Variants in DIP2C observed in about 807,000 individuals in gnomAD.
DIP2C encodes the protein DIP2 acetate--CoA ligase C (putative).
In DIP2C, 33 loss-of-function variants were observed where a neutral mutation model predicts 192.4. The ratio of observed to expected loss-of-function variants is 0.17; its 90% CI spans 0.13 to 0.23. The LOEUF (loss-of-function observed/expected upper bound fraction) is 0.23. Ranked by LOEUF, DIP2C falls within the 10% of genes least tolerant of loss-of-function variation. The pLI, the probability that DIP2C is intolerant of heterozygous loss-of-function variation, is 1.00. For missense variants in DIP2C, 1,537 were observed against 2,110.1 expected (o/e 0.73, Z 5.32); for synonymous variants, 979 against 864.1 (o/e 1.13, Z -2.33).
At chr10:286,519 C>A (rs1488869071) in intron 33 of DIP2C, among the ~76,000 whole-genome samples, 172 bp from the exon 34 acceptor site, 1 of 151,776 alleles carries the variant, frequency 6.6e-6, no homozygotes, top group African/African-American at 2.4e-5. Context: ...CACAGCCTCA[C>A]AATCACAGCC....
intron 1 of DIP2C, among the ~76,000 whole-genome samples, chr10:596,170 T>C (rs1851687875): frequency 6.6e-6 from 1 of 151,964 alleles, no homozygotes. Flanking sequence ...TTTTAAAAAA[T>C]AAAAGTAACC....
chr10:441,424 G>A (rs762510818), intron 3 of DIP2C, among the ~76,000 whole-genome samples: 1 of 152,074 alleles, frequency 6.6e-6, no homozygotes, highest in African/African-American at 2.4e-5. Flanking sequence ...GGACTGTGTT[G>A]GCTATTGACA....
intron 1 of DIP2C, among the ~76,000 whole-genome samples, chr10:595,063 C>CA (rs779559909): frequency 6.6e-6 from 1 of 152,236 alleles, no homozygotes; most frequent in Non-Finnish European, 1.5e-5. Context: ...CACCGACCCG[C>CA]AGGTCTTCTA....
chr10:470,112 G>A (rs866493888), intron 3 of DIP2C, among the ~76,000 whole-genome samples: 7 of 152,162 alleles, frequency 4.6e-5, no homozygotes, highest in Admixed American at 2.0e-4. Context: ...GATGATTGGC[G>A]AATATGTAGA....
At chr10:485,485 C>T (rs1843949945) in intron 2 of DIP2C, among the ~76,000 whole-genome samples, 1 of 152,228 alleles carries the variant, frequency 6.6e-6, no homozygotes, top group African/African-American at 2.4e-5. Context: ...AACATGTTCA[C>T]TGTTACATCA....
At chr10:449,804 A>G (rs566526557) in intron 3 of DIP2C, among the ~76,000 whole-genome samples, 36 of 134,962 alleles carry the variant, frequency 2.7e-4, no homozygotes, top group Admixed American at 1.6e-3. Flanking sequence ...AAAAAGAAGT[A>G]AACACATTCA....
intron 33 of DIP2C, among the ~76,000 whole-genome samples, chr10:287,536 T>C (rs1029827515): frequency 3.9e-5 from 6 of 152,140 alleles, no homozygotes; most frequent in Non-Finnish European, 8.8e-5. Context: ...GGTGAGCACA[T>C]TCCTACTGTT....
intron 2 of DIP2C, 41 bp from the exon 3 acceptor site, chr10:472,590 C>T (rs1274770830): frequency 1.3e-6 from 2 of 1,539,970 alleles, no homozygotes; most frequent in East Asian, 2.3e-5. Flanking sequence ...TGTGACTGTA[C>T]TCAGCGGAGT....
intron 1 of DIP2C, among the ~76,000 whole-genome samples, chr10:527,950 T>C (rs150126754): frequency 2.9e-4 from 44 of 152,140 alleles, no homozygotes; most frequent in Non-Finnish European, 5.6e-4. Context: ...CGTAATTATG[T>C]AGATTAGGTA....
rs1441535988 is a variant in DIP2C at position 274,518 on chromosome 10, T to C, written c.*2807A>G. The C allele has an allele frequency of 2.6e-5, 4 of 152,258 alleles. No homozygotes were observed. Among genetic ancestry groups the C allele is most frequent in the African/African-American group, 9.6e-5 (4 of 41,474 alleles). 9.4% of individuals were successfully genotyped at this position (152,258 alleles called of 1,614,324 possible). A position where few individuals can be genotyped will look rare whatever the true frequency, so the allele number is the denominator to read the frequency against. On this transcript the variant is annotated 3_prime_UTR_variant, in exon 37 of 37. Coordinates refer to ENST00000280886, the MANE Select transcript of DIP2C (RefSeq NM_014974.3). ...TCATTTGAATATAAAACAGGCGTTA[T>C]CACAGATGTACAAAGCGTACTGGTG...
intron 18 of DIP2C, among the ~76,000 whole-genome samples, chr10:367,370 T>C (rs1960394387): frequency 6.8e-6 from 1 of 147,350 alleles, no homozygotes; most frequent in South Asian, 2.1e-4. Context: ...TGAACCGAGA[T>C]CGCGCCACTG....
rs370194305 is a variant in DIP2C, at chr10:441,005, G to C, written c.269-9C>G. 6.2e-7 allele frequency: 1 copy of C among 1,610,322 alleles called. No individual in the cohort carries two copies. The highest frequency in any genetic ancestry group is 1.3e-5 in the African/African-American group (1 of 75,046). On this transcript the variant is annotated splice_polypyrimidine_tract_variant and intron_variant, in intron 3 of 36. Transcript: ENST00000280886. Reference sequence around the variant, plus strand: ...AGCTTCCGTGTGGACGTCTGAAACGGAGAGAGCTCAGTCACTCAGTGCTCA... The same window carrying C: ...AGCTTCCGTGTGGACGTCTGAAACGCAGAGAGCTCAGTCACTCAGTGCTCA...
chr10:583,383 G>A (rs1588519896), intron 1 of DIP2C, among the ~76,000 whole-genome samples: 2 of 152,308 alleles, frequency 1.3e-5, no homozygotes, highest in South Asian at 2.1e-4. Flanking sequence ...GAGCCTGTTT[G>A]GTACCTGCAT....
chr10:520,597 G>A (rs1363598838), intron 1 of DIP2C, among the ~76,000 whole-genome samples: 12 of 152,146 alleles, frequency 7.9e-5, no homozygotes, highest in Admixed American at 2.6e-4. Context: ...CCCTGGGGCC[G>A]TCCTGACCTG....
chr10:561,421 T>C (rs747401632), intron 1 of DIP2C, among the ~76,000 whole-genome samples: 22 of 152,158 alleles, frequency 1.4e-4, no homozygotes, highest in Non-Finnish European at 2.4e-4. Context: ...TCCCAAGGCC[T>C]GAGAGACCTG....
At chr10:649,865 T>G in intron 1 of DIP2C, 1 of 533,784 alleles carries the variant, frequency 1.9e-6, no homozygotes, top group Non-Finnish European at 3.3e-6. Context: ...GCATGCCTTA[T>G]TATCAAACAG....
At chr10:662,653 TTTTTTC>T in intron 1 of DIP2C, 1 of 567,830 alleles carries the variant, frequency 1.8e-6, no homozygotes, top group Non-Finnish European at 3.1e-6. Flanking sequence ...GGGGGAATTT[TTTTTTC>T]TTTTTCATCT....
intron 23 of DIP2C, among the ~76,000 whole-genome samples, chr10:357,079 G>A (rs377575367): frequency 6.6e-6 from 1 of 152,188 alleles, no homozygotes; most frequent in African/African-American, 2.4e-5. Flanking sequence ...TCAGGGTACA[G>A]AAAAACCCAC....
At position 674,789 on chromosome 10, in the gene DIP2C, T is replaced by TATATATAGAGAG; in HGVS notation, c.85+14704_85+14705insCTCTCTATATAT. On this transcript the variant is annotated intron_variant, in intron 1 of 36. Transcript: ENST00000280886. ...CATCTCAAATATATATATATATATATAGAGAGAGAGAGAGAGAGAGAGAGA... is the reference window on the plus strand; with the variant it reads ...CATCTCAAATATATATATATATATATATATATAGAGAGAGAGAGAGAGAGAGAGAGAGAGAGA... 7.1e-3 allele frequency among the ~76,000 whole-genome samples: 442 copies of TATATATAGAGAG among 62,468 alleles called. 6 individuals are homozygous for TATATATAGAGAG. The highest frequency in any genetic ancestry group is 8.6e-3 in the African/African-American group (95 of 11,050). The allele number at this position is 62,468 out of a possible 152,430, so 41.0% of individuals were successfully genotyped here.
Sources: gnomAD v4.1 joint callset for allele counts (sites outside exome capture counted in the v4.1 genomes callset) on GRCh38, gnomAD v4.1.1 for gene constraint, MANE v1.5 for transcripts, NCBI Gene and HGNC (gene_info 2026-07-23, HGNC 2026-07-21) for gene names.